CDH13: variants seen among roughly 807,000 people sequenced by gnomAD.
CDH13 encodes cadherin 13.
A neutral mutation model predicts 63.8 loss-of-function variants in CDH13; 24 were observed. The observed-to-expected ratio is 0.38, with a 90% CI of 0.27 to 0.53. CDH13 has a LOEUF of 0.53. CDH13 is among the 20% of genes least tolerant of loss of function. CDH13 has a pLI of 0.85. For synonymous variants in CDH13, 503 were observed against 355.3 expected (o/e 1.42, Z -4.67); for missense variants, 1,049 against 903.1 (o/e 1.16, Z -2.07).
chr16:83,544,315 G>C (rs2075344686), intron 7 of CDH13, among the ~76,000 whole-genome samples: 1 of 152,050 alleles, frequency 6.6e-6, no homozygotes, highest in South Asian at 2.1e-4. Flanking sequence ...TGTAGTCTGG[G>C]TTTACATTTC....
intron 10 of CDH13, among the ~76,000 whole-genome samples, chr16:83,720,823 G>C (rs1909595051): frequency 6.6e-6 from 1 of 152,170 alleles, no homozygotes; most frequent in Admixed American, 6.5e-5. Flanking sequence ...GGGGCCTTGT[G>C]ACTGCCTCTT....
intron 8 of CDH13, among the ~76,000 whole-genome samples, chr16:83,636,969 G>C (rs977752717): frequency 6.6e-6 from 1 of 152,122 alleles, no homozygotes; most frequent in Non-Finnish European, 1.5e-5. Flanking sequence ...GTGTGAGATG[G>C]TAACTCATTA....
rs142441578 is a variant in CDH13, at chr16:82,945,656, G to T, written c.158-86354G>T. Among the ~76,000 whole-genome samples the T allele has an allele frequency of 2.5e-3, 381 of 152,248 alleles. 1 individual carries two copies. The highest frequency in any genetic ancestry group is 8.9e-3 in the African/African-American group (369 of 41,534). On this transcript the variant is annotated intron_variant, in intron 2 of 13. Transcript: ENST00000567109. ...ATTTGCTGTGAAGATACCGCAGGAT[G>T]ATAAACTCCCTCTTCTATACTAAGT...
At chr16:83,602,645 A>T (rs565421595) in intron 8 of CDH13, 51 bp downstream of exon 8, 1 of 1,592,400 alleles carries the variant, frequency 6.3e-7, no homozygotes, top group South Asian at 1.1e-5. Flanking sequence ...AGCTACAATT[A>T]CTGATTGATG....
At chr16:82,855,047 C>G (rs1004269881) in intron 1 of CDH13, among the ~76,000 whole-genome samples, 3 of 152,152 alleles carry the variant, frequency 2.0e-5, no homozygotes, top group African/African-American at 7.2e-5. Context: ...CAGGAGGGTA[C>G]TGTGTACCTT....
At chr16:83,332,917 A>G (rs1162537746) in intron 5 of CDH13, among the ~76,000 whole-genome samples, 3 of 152,224 alleles carry the variant, frequency 2.0e-5, no homozygotes, top group African/African-American at 7.2e-5. Flanking sequence ...TGATGAAACA[A>G]AAATTTTAAA....
chr16:82,661,182 G>A (rs745814264), intron 1 of CDH13, among the ~76,000 whole-genome samples: 7 of 152,122 alleles, frequency 4.6e-5, no homozygotes, highest in Non-Finnish European at 1.0e-4. Flanking sequence ...CATTGTTTAC[G>A]CTGACCTAGT....
chr16:82,865,764 C>G (rs370707940), intron 2 of CDH13, among the ~76,000 whole-genome samples: 1 of 152,316 alleles, frequency 6.6e-6, no homozygotes, highest in Non-Finnish European at 1.5e-5. Flanking sequence ...CTTTTTATTT[C>G]TGCAAATTTC....
At chr16:83,021,568 G>A (rs1325085111) in intron 2 of CDH13, among the ~76,000 whole-genome samples, 1 of 152,198 alleles carries the variant, frequency 6.6e-6, no homozygotes, top group Non-Finnish European at 1.5e-5. Context: ...GGGTTACATG[G>A]CAAAAATAGG....
chr16:83,008,554 C>G (rs943330778), intron 2 of CDH13, among the ~76,000 whole-genome samples: 4 of 152,162 alleles, frequency 2.6e-5, no homozygotes, highest in Non-Finnish European at 2.9e-5. Flanking sequence ...AGAACAGGAA[C>G]TTTAACTCCT....
chr16:82,976,586 A>C (rs558630421), intron 2 of CDH13, among the ~76,000 whole-genome samples: 1 of 152,170 alleles, frequency 6.6e-6, no homozygotes, highest in African/African-American at 2.4e-5. Flanking sequence ...ACAGCCCCAG[A>C]TACCCATTTT....
At chr16:83,592,689 C>T (rs540266066) in intron 7 of CDH13, among the ~76,000 whole-genome samples, 5 of 152,224 alleles carry the variant, frequency 3.3e-5, no homozygotes, top group African/African-American at 1.2e-4. Context: ...TGCTTCTCCA[C>T]CCTGCCAGCT....
intron 10 of CDH13, among the ~76,000 whole-genome samples, chr16:83,728,425 G>A (rs1474988148): frequency 6.6e-6 from 1 of 151,912 alleles, no homozygotes; most frequent in Non-Finnish European, 1.5e-5. Context: ...ACAAACAACA[G>A]TTCAATAGCT....
chr16:82,986,827 T>C (rs927048012), intron 2 of CDH13, among the ~76,000 whole-genome samples: 16 of 152,258 alleles, frequency 1.1e-4, no homozygotes, highest in Non-Finnish European at 2.1e-4. Context: ...TATCTCATTC[T>C]GTCATACCTG....
chr16:83,035,338 A>G (rs577570874), intron 3 of CDH13, among the ~76,000 whole-genome samples: 1 of 152,242 alleles, frequency 6.6e-6, no homozygotes, highest in Admixed American at 6.5e-5. Flanking sequence ...ACAGTGATGG[A>G]TGATCTCTGC....
At chr16:83,446,243 C>T (rs2072684171) in intron 6 of CDH13, among the ~76,000 whole-genome samples, 1 of 147,038 alleles carries the variant, frequency 6.8e-6, no homozygotes, top group Non-Finnish European at 1.5e-5. Context: ...GCAGAGGTTG[C>T]GGTGAGCCGA....
chr16:83,351,070 T>C (rs118120918), intron 6 of CDH13, among the ~76,000 whole-genome samples: 2,110 of 152,308 alleles, frequency 0.014, 21 homozygotes, highest in Middle Eastern at 0.031. Flanking sequence ...GCTCAGCCGA[T>C]GGTGTTCAGG....
At chr16:83,286,319 A>T (rs2089311183) in intron 5 of CDH13, among the ~76,000 whole-genome samples, 1 of 152,076 alleles carries the variant, frequency 6.6e-6, no homozygotes, top group East Asian at 1.9e-4. Flanking sequence ...ATATTTTTCC[A>T]TTTTTATGGT....
intron 2 of CDH13, among the ~76,000 whole-genome samples, chr16:82,935,344 C>G (rs1315869171): frequency 1.3e-5 from 2 of 152,110 alleles, no homozygotes; most frequent in Admixed American, 6.6e-5. Flanking sequence ...AGGTCCCTCC[C>G]CCAACACGTG....
Sources: allele counts gnomAD v4.1 joint callset (sites outside exome capture counted in the v4.1 genomes callset), GRCh38; gene constraint gnomAD v4.1.1; transcripts MANE v1.5; gene names NCBI Gene and HGNC (gene_info 2026-07-23, HGNC 2026-07-21).